FGFR1: variants seen among roughly 807,000 people sequenced by gnomAD.
The protein encoded by FGFR1 is fibroblast growth factor receptor 1, also known as FGFR1/PLAG1 fusion.
A neutral mutation model predicts 93.7 loss-of-function variants in FGFR1; 18 were observed. That is an observed-to-expected ratio of 0.19 (90% confidence interval 0.13 to 0.28). The LOEUF (loss-of-function observed/expected upper bound fraction) is 0.28. FGFR1 is among the 10% of genes least tolerant of loss of function. FGFR1 has a pLI of 1.00. For missense variants in FGFR1, 731 were observed against 1,080.4 expected (o/e 0.68, Z 4.53); for synonymous variants, 448 against 429.3 (o/e 1.04, Z -0.54).
intron 5 of FGFR1, 63 bp downstream of exon 5, chr8:38,427,858 G>A (rs1373587275): frequency 1.9e-6 from 3 of 1,573,734 alleles, no homozygotes; most frequent in Non-Finnish European, 2.6e-6. Context: ...CATGTAATCA[G>A]GACTTCCTAA....
At chr8:38,458,549 TA>T (rs1390095059) in intron 1 of FGFR1, among the ~76,000 whole-genome samples, 1 of 150,260 alleles carries the variant, frequency 6.7e-6, no homozygotes, top group Non-Finnish European at 1.5e-5. Flanking sequence ...TCAAAAAATT[TA>T]AAAAAAAAAT....
chr8:38,436,209 T>G (rs1052994450), intron 2 of FGFR1, among the ~76,000 whole-genome samples: 19 of 152,052 alleles, frequency 1.2e-4, no homozygotes, highest in African/African-American at 4.3e-4. Flanking sequence ...ACCCTGTCTC[T>G]GCGAAAAATA....
At chr8:38,425,244 G>C (rs1400069643) in intron 6 of FGFR1, among the ~76,000 whole-genome samples, 1 of 151,906 alleles carries the variant, frequency 6.6e-6, no homozygotes, top group Non-Finnish European at 1.5e-5. Flanking sequence ...GGGCTCAAGT[G>C]ATCTTCCCAC....
At chr8:38,417,578 T>C (rs1817136724) in intron 11 of FGFR1, 162 bp from the exon 12 acceptor site, 3 of 757,374 alleles carry the variant, frequency 4.0e-6, no homozygotes, top group South Asian at 1.5e-5. Context: ...ATGGGAGCCG[T>C]TGTTGCAATA....
At chr8:38,444,556 ATTTTTTT>A (rs562700623) in intron 2 of FGFR1, among the ~76,000 whole-genome samples, 1 of 129,234 alleles carries the variant, frequency 7.7e-6, no homozygotes, top group East Asian at 2.3e-4. Flanking sequence ...GCGTGGCTAA[ATTTTTTT>A]TTTTTTTTTG....
At position 38,457,551 on chromosome 8, in the gene FGFR1, A is replaced by T. The variant is rs766662236; in HGVS notation, c.-88-17T>A. 6.4e-7 allele frequency: 1 copy of T among 1,562,690 alleles called. No homozygotes were observed. Among genetic ancestry groups the T allele is most frequent in the South Asian group, 1.2e-5 (1 of 86,076 alleles). On this transcript the variant is annotated splice_polypyrimidine_tract_variant and intron_variant, in intron 1 of 17. Coordinates refer to ENST00000447712, the MANE Select transcript of FGFR1 (RefSeq NM_023110.3). ...AAACTGACCCTGAGGAAAGGAAAAA[A>T]ACCCCAAAAGTTAGGAGGGTCTAGG...
intron 8 of FGFR1, 173 bp downstream of exon 8, chr8:38,421,624 C>T (rs1269188488): frequency 2.7e-6 from 2 of 744,514 alleles, no homozygotes; most frequent in Non-Finnish European, 4.8e-6. Flanking sequence ...GGAAGCTCTT[C>T]TCTGAGCTGA....
At position 38,417,357 on chromosome 8, in the gene FGFR1, T is replaced by C. The variant is rs2150627992; in HGVS notation, c.1612A>G (p.Ile538Val). 1 of 1,614,088 alleles carries C rather than the reference T, an allele frequency of 6.2e-7. No homozygotes were observed. Among genetic ancestry groups the C allele is most frequent in the South Asian group, 1.1e-5 (1 of 91,086 alleles). Reference protein sequence around the residue: ...LISEMEMMKMIGKHKNIINLL... With the variant: ...LISEMEMMKMVGKHKNIINLL... Reference sequence around the variant, plus strand: ...TTGATGATATTCTTATGCTTCCCGATCATCTTCATCATCTCCATTTCTGAG... The same window carrying C: ...TTGATGATATTCTTATGCTTCCCGACCATCTTCATCATCTCCATTTCTGAG... The change falls in exon 12 of 18, where the codon ATC becomes GTC. Residue 538 changes from isoleucine (I) to valine (V), a missense_variant. Ile to Val is a conservative substitution (Grantham distance 29). This residue lies in a region of FGFR1 where 62 missense variants were observed against 99.5 expected (regional missense o/e 0.62). Transcript: ENST00000447712.
In FGFR1 at chr8:38,468,140, C is replaced by T. The variant is rs1019203424; in HGVS notation, c.-248G>A. 3 of 227,212 alleles carry T rather than the reference C, an allele frequency of 1.3e-5. No individual in the cohort carries two copies. The highest frequency in any genetic ancestry group is 2.2e-5 in the African/African-American group (1 of 44,918). 14.1% of individuals were successfully genotyped at this position (227,212 alleles called of 1,614,324 possible). ...GGCCGGCGCTCGACTCCCGGCGGCG[C>T]TCGGTGCTCGGCGCCTCCAGCCCGG... On this transcript the variant is annotated 5_prime_UTR_variant, in exon 1 of 18. Coordinates refer to ENST00000447712, the MANE Select transcript of FGFR1 (RefSeq NM_023110.3).
chr8:38,423,963 TAATG>T (rs1819769291), intron 7 of FGFR1: 1 of 196,216 alleles, frequency 5.1e-6, no homozygotes, highest in East Asian at 1.3e-4. Flanking sequence ...TTCCCTGGAT[TAATG>T]GAGCATTCAG....
intron 2 of FGFR1, among the ~76,000 whole-genome samples, chr8:38,438,878 C>T (rs1248616822): frequency 6.6e-6 from 1 of 152,190 alleles, no homozygotes; most frequent in Non-Finnish European, 1.5e-5. Context: ...TCCTCCCCTC[C>T]TTCCCTCATT....
chr8:38,441,470 A>G (rs1483013249), intron 2 of FGFR1, among the ~76,000 whole-genome samples: 1 of 152,182 alleles, frequency 6.6e-6, no homozygotes, highest in Admixed American at 6.5e-5. Flanking sequence ...CTCCCCAGCA[A>G]AAGTTCTCAC....
At position 38,419,583 on chromosome 8, in the gene FGFR1, T is replaced by C. The variant is rs765415311; in HGVS notation, c.1234A>G (p.Met412Val). ...GTKKSDFHSQ[M>V]AVHKLAKSIP... is the part of the protein sequence containing the mutation. ...CTCTTGGCCAGCTTGTGCACAGCCATCTGGCTGTGGAAGTCACTCTTCTTG... is the reference window on the plus strand; with the variant it reads ...CTCTTGGCCAGCTTGTGCACAGCCACCTGGCTGTGGAAGTCACTCTTCTTG... The change falls in exon 9 of 18, where the codon ATG becomes GTG. Residue 412 changes from methionine to valine, a missense_variant. Met to Val is a conservative substitution (Grantham distance 21). Coordinates refer to ENST00000447712, the MANE Select transcript of FGFR1 (RefSeq NM_023110.3). 9 of 1,614,112 alleles carry C rather than the reference T, an allele frequency of 5.6e-6. No homozygotes were observed. The highest frequency in any genetic ancestry group is 5.5e-5 in the South Asian group (5 of 91,082).
chr8:38,417,262 C>T lies in FGFR1; in HGVS notation c.1663+44G>A, dbSNP rs779911258. ...TTGGGACTGATACCCCAGCTCAGAT[C>T]TTCTCCCCGCTGGGCAGGGAAAGCC... On this transcript the variant is annotated intron_variant, in intron 12 of 17. Coordinates refer to ENST00000447712, the MANE Select transcript of FGFR1 (RefSeq NM_023110.3). 7 of 1,483,792 alleles carry T rather than the reference C, an allele frequency of 4.7e-6. No individual in the cohort carries two copies. In the Admixed American group the frequency reaches 5.0e-5, roughly 11 times the overall value. 91.9% of individuals were successfully genotyped at this position (1,483,792 alleles called of 1,614,324 possible).
chr8:38,423,881 A>C (rs1819731419), intron 7 of FGFR1: 1 of 177,964 alleles, frequency 5.6e-6, no homozygotes, highest in South Asian at 1.3e-4. Context: ...CTCTGGGACA[A>C]AGAGGTAAAC....
intron 2 of FGFR1, among the ~76,000 whole-genome samples, chr8:38,453,829 T>G (rs1831867603): frequency 6.6e-6 from 1 of 152,020 alleles, no homozygotes; most frequent in Non-Finnish European, 1.5e-5. Context: ...GAGGCAGAGG[T>G]TGCAGTAAGC....
chr8:38,417,469 A>G (rs2150633940), intron 11 of FGFR1, 53 bp from the exon 12 acceptor site: 1 of 1,484,948 alleles, frequency 6.7e-7, no homozygotes, highest in Non-Finnish European at 9.4e-7. Flanking sequence ...AGGGCAGGAT[A>G]AAGGCTAAGG....
intron 2 of FGFR1, among the ~76,000 whole-genome samples, chr8:38,432,005 A>T (rs1823334889): frequency 6.6e-6 from 1 of 152,210 alleles, no homozygotes; most frequent in Non-Finnish European, 1.5e-5. Context: ...TCGGTGATTA[A>T]ATATTTTGCA....
rs1338683385 is a variant in FGFR1 at position 38,413,060 on chromosome 8, G to A, written c.*568C>T. On this transcript the variant is annotated 3_prime_UTR_variant, in exon 18 of 18. Coordinates refer to ENST00000447712, the MANE Select transcript of FGFR1 (RefSeq NM_023110.3). The surrounding 1 kb of genome is among the most constrained non-coding windows in gnomAD (Gnocchi z 4.2). ...GGGCCACAACACTGCCCCCAACCTG[G>A]CCTTCGCCTCACCATCCTCTGGTAC... 1.7e-5 allele frequency: 4 copies of A among 237,796 alleles called. No individual in the cohort carries two copies. Among genetic ancestry groups the A allele is most frequent in the Admixed American group, 1.6e-4 (3 of 18,630 alleles). 14.7% of individuals were successfully genotyped at this position (237,796 alleles called of 1,614,324 possible).
Sources: allele counts gnomAD v4.1 joint callset (sites outside exome capture counted in the v4.1 genomes callset), GRCh38; gene constraint gnomAD v4.1.1; regional missense constraint gnomAD v4.1.1; non-coding constraint Gnocchi (gnomAD v3.1); transcripts MANE v1.5; gene names NCBI Gene and HGNC (gene_info 2026-07-23, HGNC 2026-07-21).